The following COL22A1 variants were observed in gnomAD, a reference collection of about 807,000 sequenced individuals.
COL22A1 encodes collagen type XXII alpha 1 chain.
In COL22A1, 221 loss-of-function variants were observed where a neutral mutation model predicts 248.9. The ratio of observed to expected loss-of-function variants is 0.89; its 90% CI spans 0.80 to 0.99. The LOEUF (loss-of-function observed/expected upper bound fraction) is 0.99, where lower values mean the gene tolerates loss of function less well. Among genes scored for constraint, COL22A1 ranks in the 50% least tolerant of loss-of-function variants. The probability of loss-of-function intolerance (pLI) is 0.00; values close to 1 mark genes in which losing one functional copy is unlikely to be tolerated. For missense variants in COL22A1, 2,240 were observed against 2,179.0 expected (o/e 1.03, Z -0.56); for synonymous variants, 891 against 793.4 (o/e 1.12, Z -2.07).
intron 41 of COL22A1, among the ~76,000 whole-genome samples, chr8:138,671,613 C>T (rs780657585): frequency 1.3e-5 from 2 of 152,234 alleles, no homozygotes; most frequent in Non-Finnish European, 2.9e-5. Flanking sequence ...TATTGCAATA[C>T]TGTAAACACT....
chr8:138,858,974 G>T (rs761350015), intron 3 of COL22A1, among the ~76,000 whole-genome samples: 1 of 152,124 alleles, frequency 6.6e-6, no homozygotes, highest in Non-Finnish European at 1.5e-5. Context: ...GCCAGGCCTC[G>T]TCCCAGCGTT....
intron 44 of COL22A1, among the ~76,000 whole-genome samples, chr8:138,657,187 A>AGCG (rs1823345407): frequency 6.9e-6 from 1 of 145,506 alleles, no homozygotes; most frequent in African/African-American, 2.6e-5. Context: ...CTTAGGATGC[A>AGCG]GCGGCTAAAG....
chr8:138,759,138 C>G (rs998175698), intron 18 of COL22A1, among the ~76,000 whole-genome samples: 2 of 152,162 alleles, frequency 1.3e-5, no homozygotes, highest in Non-Finnish European at 2.9e-5. Context: ...CACTGAAGCC[C>G]GAGTGAGCGA....
At chr8:138,702,877 T>A (rs1828081613) in intron 31 of COL22A1, among the ~76,000 whole-genome samples, 1 of 152,096 alleles carries the variant, frequency 6.6e-6, no homozygotes, top group South Asian at 2.1e-4. Flanking sequence ...GAGCCAGGTC[T>A]TCATGCCCTC....
chr8:138,590,925 G>A (rs1587612601), intron 64 of COL22A1, among the ~76,000 whole-genome samples: 1 of 152,328 alleles, frequency 6.6e-6, no homozygotes. Context: ...ACCACTGGGT[G>A]AGCATTCCCC....
chr8:138,899,963 G>A (rs569773462), intron 1 of COL22A1, among the ~76,000 whole-genome samples: 19 of 152,326 alleles, frequency 1.2e-4, no homozygotes, highest in African/African-American at 4.3e-4. Flanking sequence ...CAGGGTACCA[G>A]ATATGGCGAA....
chr8:138,806,026 G>GAGTAA (rs1817604589), intron 10 of COL22A1, among the ~76,000 whole-genome samples: 1 of 134,098 alleles, frequency 7.5e-6, no homozygotes. Context: ...GTAATGGTGT[G>GAGTAA]TGGTTGTGTG....
intron 38 of COL22A1, among the ~76,000 whole-genome samples, chr8:138,684,818 G>T (rs1782193987): frequency 6.6e-6 from 1 of 152,184 alleles, no homozygotes; most frequent in Admixed American, 6.5e-5. Context: ...AAGGGCTTTG[G>T]CACTCACAGC....
intron 12 of COL22A1, among the ~76,000 whole-genome samples, chr8:138,781,581 GCAGA>G (rs1036592290): frequency 6.6e-6 from 1 of 152,198 alleles, no homozygotes; most frequent in African/African-American, 2.4e-5. Flanking sequence ...GGAATCTCAT[GCAGA>G]CACACATGAC....
intron 3 of COL22A1, among the ~76,000 whole-genome samples, chr8:138,858,877 A>G (rs1214303989): frequency 6.6e-6 from 1 of 152,148 alleles, no homozygotes; most frequent in Admixed American, 6.5e-5. Context: ...GAGATATTTC[A>G]TGCAGCCCCT....
At chr8:138,700,752 A>C (rs1379194743) in intron 31 of COL22A1, among the ~76,000 whole-genome samples, 1 of 152,216 alleles carries the variant, frequency 6.6e-6, no homozygotes, top group South Asian at 2.1e-4. Context: ...TGGGAGGCCA[A>C]GGCGGGCGGA....
intron 16 of COL22A1, among the ~76,000 whole-genome samples, chr8:138,767,900 G>A (rs1448543843): frequency 6.6e-6 from 1 of 152,240 alleles, no homozygotes; most frequent in Non-Finnish European, 1.5e-5. Flanking sequence ...GACACGTGGT[G>A]TCTTTCTTCT....
At chr8:138,680,862 T>C (rs1013169555) in intron 39 of COL22A1, among the ~76,000 whole-genome samples, 7 of 152,254 alleles carry the variant, frequency 4.6e-5, no homozygotes, top group African/African-American at 1.2e-4. Flanking sequence ...GTCATGTGTT[T>C]AGACATCTCA....
chr8:138,736,309 T>C (rs1185495548), intron 23 of COL22A1, among the ~76,000 whole-genome samples: 1 of 151,742 alleles, frequency 6.6e-6, no homozygotes, highest in Non-Finnish European at 1.5e-5. Flanking sequence ...AAAGAAAGGA[T>C]GAAGGGAATT....
chr8:138,696,465 C>A (rs1446356581), intron 32 of COL22A1, among the ~76,000 whole-genome samples: 3 of 150,990 alleles, frequency 2.0e-5, no homozygotes, highest in East Asian at 1.9e-4. Context: ...TAGTTCTAAC[C>A]TTTACTTGGT....
intron 12 of COL22A1, among the ~76,000 whole-genome samples, chr8:138,792,588 G>A (rs769607944): frequency 6.6e-6 from 1 of 152,188 alleles, no homozygotes; most frequent in Admixed American, 6.5e-5. Context: ...ATTCTAATGG[G>A]ACTAACCAGG....
At chr8:138,657,339 T>C (rs1823365841) in intron 44 of COL22A1, among the ~76,000 whole-genome samples, 1 of 152,234 alleles carries the variant, frequency 6.6e-6, no homozygotes, top group Admixed American at 6.5e-5. Flanking sequence ...AAGTTAATAA[T>C]AGGAAAGGGT....
chr8:138,751,306 G>A, intron 22 of COL22A1, 152 bp downstream of exon 22: 1 of 576,464 alleles, frequency 1.7e-6, no homozygotes, highest in Non-Finnish European at 3.1e-6. Flanking sequence ...CCTCAACCAT[G>A]TTTGATGAAC....
At position 138,829,403 on chromosome 8, in the gene COL22A1, G is replaced by GTTTTTTTTTTTTTT. The variant is rs765618552; in HGVS notation, c.846-2636_846-2623dup. Among the ~76,000 whole-genome samples, 20 of 90,638 alleles carry GTTTTTTTTTTTTTT rather than the reference G, an allele frequency of 2.2e-4. 1 individual carries two copies. Among genetic ancestry groups the GTTTTTTTTTTTTTT allele is most frequent in the Admixed American group, 3.2e-4 (2 of 6,160 alleles). 59.5% of individuals were successfully genotyped at this position (90,638 alleles called of 152,430 possible). On this transcript the variant is annotated intron_variant, in intron 5 of 64. Transcript: ENST00000303045. ...CTTTTCTTTATTTCCTTCCTTTCCTGTTTTTTTTTTTTTTTTTTTTTGAGA... is the reference window on the plus strand; with the variant it reads ...CTTTTCTTTATTTCCTTCCTTTCCTGTTTTTTTTTTTTTTTTTTTTTTTTTTTTTTTTTTTGAGA...
Sources: gnomAD v4.1 joint callset for allele counts (sites outside exome capture counted in the v4.1 genomes callset) on GRCh38, gnomAD v4.1.1 for gene constraint, MANE v1.5 for transcripts, NCBI Gene and HGNC (gene_info 2026-07-23, HGNC 2026-07-21) for gene names.